The following NRXN1 variants were observed in gnomAD, a reference collection of about 807,000 sequenced individuals.
NRXN1 encodes the protein neurexin-1.
In NRXN1, 39 loss-of-function variants were observed where a neutral mutation model predicts 150.9. The ratio of observed to expected loss-of-function variants is 0.26; its 90% CI spans 0.20 to 0.34. NRXN1 has a LOEUF of 0.34. Ranked by LOEUF, NRXN1 falls within the 10% of genes least tolerant of loss-of-function variation. The probability of loss-of-function intolerance (pLI) is 1.00; values close to 1 mark genes in which losing one functional copy is unlikely to be tolerated. For missense variants in NRXN1, 1,815 were observed against 1,949.9 expected (o/e 0.93, Z 1.30); for synonymous variants, 924 against 757.0 (o/e 1.22, Z -3.62).
chr2:50,775,636 C>A (rs188029391), intron 5 of NRXN1, among the ~76,000 whole-genome samples: 10 of 152,042 alleles, frequency 6.6e-5, no homozygotes, highest in African/African-American at 2.2e-4. Flanking sequence ...TTAGAGGACA[C>A]GCTCAGTGTT....
chr2:50,415,886 C>A (rs1289530061), intron 17 of NRXN1, among the ~76,000 whole-genome samples: 11 of 148,078 alleles, frequency 7.4e-5, no homozygotes, highest in Non-Finnish European at 1.5e-5. Flanking sequence ...AGTTTCATCA[C>A]TGTGAATCAC....
At chr2:49,951,296 A>G (rs915242107) in intron 21 of NRXN1, among the ~76,000 whole-genome samples, 19 of 152,030 alleles carry the variant, frequency 1.2e-4, no homozygotes, top group African/African-American at 4.6e-4. Context: ...CAAATAAGGA[A>G]CCTGCTGTCA....
At chr2:50,418,491 G>A (rs1227631051) in intron 17 of NRXN1, among the ~76,000 whole-genome samples, 1 of 152,126 alleles carries the variant, frequency 6.6e-6, no homozygotes, top group Non-Finnish European at 1.5e-5. Context: ...CTGGAACGGA[G>A]AAAGGGAGCG....
intron 2 of NRXN1, among the ~76,000 whole-genome samples, chr2:51,013,016 G>A (rs1055420634): frequency 6.6e-6 from 1 of 151,928 alleles, no homozygotes; most frequent in Admixed American, 6.6e-5. Flanking sequence ...GGATATAAAC[G>A]GACTGAGATG....
intron 18 of NRXN1, among the ~76,000 whole-genome samples, chr2:50,175,650 T>C (rs77174578): frequency 0.02 from 2,992 of 152,190 alleles, 91 homozygotes; most frequent in African/African-American, 0.069. Flanking sequence ...CACATGCATG[T>C]CTATCTATAC....
intron 5 of NRXN1, chr2:50,898,664 A>C (rs1682415379): frequency 2.4e-6 from 1 of 416,346 alleles, no homozygotes; most frequent in Non-Finnish European, 4.7e-6. Flanking sequence ...ACATTTCAAA[A>C]ATTTAATTTT....
intron 18 of NRXN1, among the ~76,000 whole-genome samples, chr2:50,204,952 G>A (rs755528273): frequency 1.3e-5 from 2 of 151,926 alleles, no homozygotes; most frequent in Non-Finnish European, 1.5e-5. Flanking sequence ...ACTTATGCTT[G>A]TTAAATTTAT....
intron 5 of NRXN1, among the ~76,000 whole-genome samples, chr2:50,710,105 T>C (rs1268290236): frequency 6.6e-6 from 1 of 152,146 alleles, no homozygotes; most frequent in East Asian, 1.9e-4. Flanking sequence ...GCAGATAAAA[T>C]TGTTCGCTTG....
chr2:50,456,327 G>T (rs2087554664), intron 17 of NRXN1, among the ~76,000 whole-genome samples: 1 of 152,098 alleles, frequency 6.6e-6, no homozygotes, highest in Admixed American at 6.6e-5. Context: ...TTTTCTGAGA[G>T]ATGTGAATTT....
intron 22 of NRXN1, among the ~76,000 whole-genome samples, chr2:49,928,271 A>G (rs1285141655): frequency 6.6e-6 from 1 of 151,996 alleles, no homozygotes; most frequent in Non-Finnish European, 1.5e-5. Context: ...AAAAAAAAAA[A>G]ACTCTTGGCA....
At chr2:50,409,330 T>A (rs764390433) in intron 17 of NRXN1, among the ~76,000 whole-genome samples, 2 of 152,236 alleles carry the variant, frequency 1.3e-5, no homozygotes, top group Non-Finnish European at 2.9e-5. Flanking sequence ...TTTACTCATA[T>A]GACATCCTAA....
At chr2:50,498,875 C>G (rs1390616897) in intron 13 of NRXN1, among the ~76,000 whole-genome samples, 1 of 152,134 alleles carries the variant, frequency 6.6e-6, no homozygotes, top group Non-Finnish European at 1.5e-5. Flanking sequence ...GCTTCCCTGC[C>G]CGATTTGCCA....
At chr2:50,787,443 T>C (rs1215661628) in intron 5 of NRXN1, among the ~76,000 whole-genome samples, 3 of 151,722 alleles carry the variant, frequency 2.0e-5, no homozygotes, top group Non-Finnish European at 4.4e-5. Flanking sequence ...GCGCCTGTAA[T>C]CCCAGCTATT....
intron 21 of NRXN1, among the ~76,000 whole-genome samples, chr2:49,965,718 C>T (rs912207202): frequency 6.6e-5 from 10 of 152,144 alleles, no homozygotes; most frequent in African/African-American, 2.4e-4. Flanking sequence ...TTGAAATTTA[C>T]TTTTCCACAA....
At position 50,454,011 on chromosome 2, in the gene NRXN1, C is replaced by T. The variant is rs140046642; in HGVS notation, c.3364+11431G>A. Among the ~76,000 whole-genome samples the T allele has an allele frequency of 2.5e-3, 375 of 152,162 alleles. 2 individuals carry two copies. Among genetic ancestry groups the T allele is most frequent in the African/African-American group, 8.4e-3 (348 of 41,502 alleles). On this transcript the variant is annotated intron_variant, in intron 17 of 22. Coordinates refer to ENST00000401669, the MANE Select transcript of NRXN1 (RefSeq NM_001330078.2). ...TAGTTATCTTGAAATGACAAAATAT[C>T]CTAGCAGTTGTCAAAATTAATATGA...
chr2:50,034,286 T>C (rs748844393), intron 21 of NRXN1, among the ~76,000 whole-genome samples: 16 of 152,110 alleles, frequency 1.1e-4, no homozygotes, highest in Non-Finnish European at 1.6e-4. Context: ...TTGTGGTATA[T>C]GTACACCATG....
chr2:50,694,643 G>T (rs1692556988), intron 5 of NRXN1, among the ~76,000 whole-genome samples: 1 of 152,100 alleles, frequency 6.6e-6, no homozygotes, highest in South Asian at 2.1e-4. Flanking sequence ...TCAAGGTAGG[G>T]AAAAGAAAAT....
chr2:49,927,292 T>C (rs371716691), intron 22 of NRXN1, among the ~76,000 whole-genome samples: 3 of 152,344 alleles, frequency 2.0e-5, no homozygotes, highest in East Asian at 3.9e-4. Flanking sequence ...AATAAAATTG[T>C]ATGGTTTGGC....
intron 17 of NRXN1, among the ~76,000 whole-genome samples, chr2:50,418,558 T>G (rs556928039): frequency 7.2e-5 from 11 of 152,228 alleles, no homozygotes; most frequent in African/African-American, 2.6e-4. Context: ...CCCAGTACAT[T>G]TTGATTAGCT....
Sources: allele counts gnomAD v4.1 joint callset (sites outside exome capture counted in the v4.1 genomes callset), GRCh38; gene constraint gnomAD v4.1.1; transcripts MANE v1.5; gene names NCBI Gene and HGNC (gene_info 2026-07-23, HGNC 2026-07-21).